ADK: variants seen among roughly 807,000 people sequenced by gnomAD.
ADK encodes N6,N6-dimethyladenosine kinase.
In ADK, 24 loss-of-function variants were observed where a neutral mutation model predicts 44.7. The ratio of observed to expected loss-of-function variants is 0.54; its 90% CI spans 0.39 to 0.76. The LOEUF (loss-of-function observed/expected upper bound fraction) is 0.76, where lower values mean the gene tolerates loss of function less well. ADK is among the 30% of genes least tolerant of loss of function. The probability of loss-of-function intolerance (pLI) is 0.00; values close to 1 mark genes in which losing one functional copy is unlikely to be tolerated. For synonymous variants in ADK, 128 were observed against 142.6 expected, an observed-to-expected ratio of 0.90 and a Z score of 0.73; for missense variants, 321 against 425.1, an observed-to-expected ratio of 0.76 and a Z score of 2.15.
intron 6 of ADK, among the ~76,000 whole-genome samples, chr10:74,475,978 GAC>G (rs2133323794): frequency 6.6e-6 from 1 of 152,250 alleles, no homozygotes; most frequent in East Asian, 1.9e-4. Context: ...TGTATACATA[GAC>G]ACACATTGTA....
At chr10:74,477,086 A>T (rs1192411471) in intron 6 of ADK, among the ~76,000 whole-genome samples, 1 of 152,160 alleles carries the variant, frequency 6.6e-6, no homozygotes, top group African/African-American at 2.4e-5. Flanking sequence ...ATCTTTTGCC[A>T]TATCCTCCCA....
At chr10:74,448,537 C>CT (rs1169537316) in intron 6 of ADK, among the ~76,000 whole-genome samples, 8 of 152,102 alleles carry the variant, frequency 5.3e-5, no homozygotes, top group African/African-American at 1.9e-4. Context: ...TTTATGTAGA[C>CT]TTTCTAGACT....
At chr10:74,200,244 G>A (rs1023303719) in intron 1 of ADK, among the ~76,000 whole-genome samples, 1 of 148,350 alleles carries the variant, frequency 6.7e-6, no homozygotes, top group Non-Finnish European at 1.5e-5. Context: ...AGCATTTTGG[G>A]AGGCTAAGGC....
chr10:74,433,498 G>A (rs1273387433), intron 6 of ADK, among the ~76,000 whole-genome samples: 4 of 152,160 alleles, frequency 2.6e-5, no homozygotes, highest in Non-Finnish European at 5.9e-5. Context: ...GTAGCAGCAG[G>A]AGGCTAGAAT....
chr10:74,402,094 T>A (rs1843736085), intron 6 of ADK, among the ~76,000 whole-genome samples: 1 of 152,252 alleles, frequency 6.6e-6, no homozygotes, highest in South Asian at 2.1e-4. Flanking sequence ...TTGTAGAGTG[T>A]CTGCAGAGAG....
chr10:74,155,651 T>TC (rs1841725930), intron 1 of ADK, among the ~76,000 whole-genome samples: 1 of 152,100 alleles, frequency 6.6e-6, no homozygotes. Context: ...TGCCTCAGCC[T>TC]CTGAGTAGCT....
chr10:74,550,489 C>T (rs546057667), intron 7 of ADK, among the ~76,000 whole-genome samples: 31 of 152,264 alleles, frequency 2.0e-4, no homozygotes, highest in Non-Finnish European at 4.1e-4. Context: ...CAGATTATTA[C>T]AGTAGTCTCA....
chr10:74,693,579 G>A (rs965438528), intron 10 of ADK, among the ~76,000 whole-genome samples: 5 of 107,696 alleles, frequency 4.6e-5, no homozygotes, highest in Admixed American at 9.9e-5. Context: ...GAATCCCCCC[G>A]GCATTCCCTG....
Position 74,273,553 on chromosome 10 carries a change from G to A in ADK, c.195-41114G>A, listed in dbSNP as rs376686995. 1.8e-3 allele frequency among the ~76,000 whole-genome samples: 271 copies of A among 152,042 alleles called. 1 individual carries two copies. The highest frequency in any genetic ancestry group is 5.6e-3 in the African/African-American group (231 of 41,474). ...GCTCACTGCAACCTCTGCCTCCCAA[G>A]TTCAAGCAATTCTCCTGCCTTGGTC... On this transcript the variant is annotated intron_variant, in intron 3 of 10. Transcript: ENST00000539909.
At chr10:74,264,495 A>G (rs1164327230) in intron 3 of ADK, among the ~76,000 whole-genome samples, 1 of 152,054 alleles carries the variant, frequency 6.6e-6, no homozygotes, top group Non-Finnish European at 1.5e-5. Context: ...GATATTTTAA[A>G]TTACTGATTT....
At chr10:74,261,525 T>G (rs1846037754) in intron 3 of ADK, among the ~76,000 whole-genome samples, 1 of 152,194 alleles carries the variant, frequency 6.6e-6, no homozygotes, top group African/African-American at 2.4e-5. Context: ...CTCAAGCACA[T>G]TCTCCAGAGC....
chr10:74,357,460 ATTTT>A (rs536915870), intron 4 of ADK, among the ~76,000 whole-genome samples: 61,254 of 134,426 alleles, frequency 0.46, 16,219 homozygotes, highest in Non-Finnish European at 0.6. Flanking sequence ...ATACCCAGTG[ATTTT>A]TTTTTTTTTT....
At chr10:74,532,555 A>G (rs1471366357) in intron 7 of ADK, among the ~76,000 whole-genome samples, 1 of 151,840 alleles carries the variant, frequency 6.6e-6, no homozygotes, top group African/African-American at 2.4e-5. Context: ...AACTGTCTCT[A>G]TTATCAAAAG....
At chr10:74,593,279 T>C (rs973166047) in intron 8 of ADK, among the ~76,000 whole-genome samples, 6 of 152,224 alleles carry the variant, frequency 3.9e-5, no homozygotes, top group Admixed American at 6.5e-5. Context: ...GCTAGTCTTC[T>C]AATTCTCTTC....
At chr10:74,197,629 C>G (rs1378423769) in intron 1 of ADK, among the ~76,000 whole-genome samples, 1 of 148,666 alleles carries the variant, frequency 6.7e-6, no homozygotes, top group Non-Finnish European at 1.5e-5. Context: ...GCCCATGAGG[C>G]AGAGGTTGCA....
chr10:74,314,764 A>C lies in ADK; in HGVS notation c.273+19A>C. 6.5e-7 allele frequency: 1 copy of C among 1,546,658 alleles called. No individual in the cohort carries two copies. Among genetic ancestry groups the C allele is most frequent in the Non-Finnish European group, 8.9e-7 (1 of 1,119,462 alleles). On this transcript the variant is annotated intron_variant, in intron 4 of 10. Transcript: ENST00000539909. ...GGCTCAGGTTGGTTAATTATTTTAA[A>C]AGTTAAAAGGATTCAAAATGATTCT...
Position 74,708,487 on chromosome 10 carries a change from C to T in ADK, c.*42C>T. On this transcript the variant is annotated 3_prime_UTR_variant, in exon 11 of 11. Coordinates refer to ENST00000539909, the MANE Select transcript of ADK (RefSeq NM_006721.4). ...ACAAGCCCAGGAGTGCAGACACTGC[C>T]CTAATTGCTTCCTGAGAATTCCCAT... The T allele has an allele frequency of 6.2e-7, 1 of 1,601,172 alleles. No homozygotes were observed. The highest frequency in any genetic ancestry group is 8.5e-7 in the Non-Finnish European group (1 of 1,175,418).
At chr10:74,346,249 T>C (rs1288367207) in intron 4 of ADK, among the ~76,000 whole-genome samples, 2 of 152,052 alleles carry the variant, frequency 1.3e-5, no homozygotes, top group South Asian at 2.1e-4. Context: ...CCCAATGCCA[T>C]GGTACATATC....
At chr10:74,518,621 C>T (rs146026257) in intron 6 of ADK, among the ~76,000 whole-genome samples, 1 of 152,134 alleles carries the variant, frequency 6.6e-6, no homozygotes, top group Non-Finnish European at 1.5e-5. Context: ...ATATTTCTTA[C>T]AATTTATTTT....
Sources: gnomAD v4.1 joint callset for allele counts (sites outside exome capture counted in the v4.1 genomes callset) on GRCh38, gnomAD v4.1.1 for gene constraint, MANE v1.5 for transcripts, NCBI Gene and HGNC (gene_info 2026-07-23, HGNC 2026-07-21) for gene names.